DAW1: variants seen among roughly 807,000 people sequenced by gnomAD.
DAW1 encodes the protein dynein assembly factor with WD repeats 1.
In DAW1, 47 loss-of-function variants were observed where a neutral mutation model predicts 56.5. That is an observed-to-expected ratio of 0.83 (90% CI 0.66 to 1.06). The LOEUF (loss-of-function observed/expected upper bound fraction) is 1.06. DAW1 is among the 50% of genes least tolerant of loss of function. The pLI is 0.00. For synonymous variants in DAW1, 190 were observed against 179.0 expected, an observed-to-expected ratio of 1.06 and a Z score of -0.49; for missense variants, 505 against 499.3, an observed-to-expected ratio of 1.01 and a Z score of -0.11.
chr2:227,876,554 G>C lies in DAW1; in HGVS notation c.40+4825G>C, dbSNP rs1427683505. On this transcript the variant is annotated intron_variant, in intron 1 of 12. Transcript: ENST00000309931. ...AAAATTATTCCACTGAATCATTCCC[G>C]TGCTACCTTTATCCCTTCTGCATAT... 3 of 1,255,210 alleles carry C rather than the reference G, an allele frequency of 2.4e-6. No individual in the cohort carries two copies. In the South Asian group the frequency reaches 3.9e-5, roughly 16 times the overall value. The allele number at this position is 1,255,210 out of a possible 1,614,324, so 77.8% of individuals were successfully genotyped here. A position where few individuals can be genotyped will look rare whatever the true frequency, so the allele number is the denominator to read the frequency against.
intron 10 of DAW1, among the ~76,000 whole-genome samples, chr2:227,917,142 A>ATCTATCTATCTATCTGTCTG (rs1162712241): frequency 5.3e-4 from 74 of 138,548 alleles, no homozygotes; most frequent in Middle Eastern, 3.5e-3. Flanking sequence ...CTATCTATCT[A>ATCTATCTATCTATCTGTCTG]TCTGTCTGTC....
At chr2:227,879,108 T>G (rs1171192145) in intron 1 of DAW1, among the ~76,000 whole-genome samples, 1 of 152,126 alleles carries the variant, frequency 6.6e-6, no homozygotes, top group African/African-American at 2.4e-5. Flanking sequence ...ATAAAATATT[T>G]ATGTATAGTC....
intron 10 of DAW1, among the ~76,000 whole-genome samples, chr2:227,915,598 C>A (rs1444688524): frequency 6.6e-6 from 1 of 152,110 alleles, no homozygotes; most frequent in East Asian, 1.9e-4. Flanking sequence ...CTCTGATAAT[C>A]ATCTCCTTGA....
intron 3 of DAW1, among the ~76,000 whole-genome samples, chr2:227,891,023 C>CATG (rs755025999): frequency 4.1e-4 from 63 of 152,144 alleles, no homozygotes; most frequent in Non-Finnish European, 8.2e-4. Flanking sequence ...AGTGTATTTC[C>CATG]TACATACCCA....
rs1692173238 is a variant in DAW1 at position 227,924,207 on chromosome 2, G to A, written c.*239G>A. On this transcript the variant is annotated 3_prime_UTR_variant, in exon 13 of 13. Transcript: ENST00000309931. ...GCATAATGTTTGGCTAATGCCACCA[G>A]TTATTTCAGTTGTGTTTGTTTTTTA... The A allele has an allele frequency of 9.7e-6, 5 of 514,518 alleles. No individual in the cohort carries two copies. In the South Asian group the frequency reaches 1.7e-4, roughly 17 times the overall value. The allele number at this position is 514,518 out of a possible 1,614,324, so 31.9% of individuals were successfully genotyped here. A position where few individuals can be genotyped will look rare whatever the true frequency, so the allele number is the denominator to read the frequency against.
At chr2:227,914,138 C>G (rs765016494) in intron 10 of DAW1, among the ~76,000 whole-genome samples, 2 of 152,082 alleles carry the variant, frequency 1.3e-5, no homozygotes, top group African/African-American at 4.8e-5. Flanking sequence ...GTTTGATAAC[C>G]GTGAGTGATG....
chr2:227,897,959 A>G (rs1329091035), intron 5 of DAW1, among the ~76,000 whole-genome samples: 1 of 152,128 alleles, frequency 6.6e-6, no homozygotes, highest in Non-Finnish European at 1.5e-5. Context: ...TCCCAAACAA[A>G]TATACCTATA....
chr2:227,885,275 C>T, intron 1 of DAW1, 76 bp from the exon 2 acceptor site: 8 of 1,021,906 alleles, frequency 7.8e-6, no homozygotes, highest in Non-Finnish European at 9.7e-6. Context: ...ATGGAAAAAA[C>T]TGTGGCAAGG....
At chr2:227,905,278 T>C (rs767882023) in intron 8 of DAW1, among the ~76,000 whole-genome samples, 79 of 152,314 alleles carry the variant, frequency 5.2e-4, no homozygotes, top group Admixed American at 9.8e-4. Flanking sequence ...TTAGCAATAG[T>C]CTGGTTATAT....
chr2:227,875,715 T>C (rs1690862306), intron 1 of DAW1, among the ~76,000 whole-genome samples: 1 of 152,206 alleles, frequency 6.6e-6, no homozygotes, highest in South Asian at 2.1e-4. Flanking sequence ...TTTCCCTGGT[T>C]TGTCTTTTCT....
At chr2:227,886,286 G>GATGT (rs774090116) in intron 2 of DAW1, among the ~76,000 whole-genome samples, 2 of 152,122 alleles carry the variant, frequency 1.3e-5, no homozygotes, top group Non-Finnish European at 2.9e-5. Context: ...AACCTCTTGT[G>GATGT]ATGTAATAAC....
Position 227,918,808 on chromosome 2 carries a change from A to C in DAW1, c.1002A>C (p.Thr334=). The C allele has an allele frequency of 6.2e-7, 1 of 1,614,186 alleles. No individual in the cohort carries two copies. The highest frequency in any genetic ancestry group is 1.3e-5 in the African/African-American group (1 of 75,056). The change falls in exon 11 of 13, where the codon ACA becomes ACC. Residue 334 remains threonine (T), a synonymous_variant. Coordinates refer to ENST00000309931, the MANE Select transcript of DAW1 (RefSeq NM_178821.3). ...DGTARIFSAA[T]RKCIAKLEGH... ...CAGCAAGAATTTTCAGTGCTGCCAC[A>C]AGAAAATGCATTGCCAAACTGGAAG...
chr2:227,920,291 A>G lies in DAW1; in HGVS notation c.1051-1108A>G, dbSNP rs140809827. Among the ~76,000 whole-genome samples, 172 of 152,358 alleles carry G rather than the reference A, an allele frequency of 1.1e-3. 1 individual carries two copies. In the East Asian group the frequency reaches 0.025, roughly 22 times the overall value. On this transcript the variant is annotated intron_variant, in intron 11 of 12. Transcript: ENST00000309931. ...AAGCTAAAGTATTCACTCATTCAAC[A>G]AACACTTTTAGAGAGTGTCCACTGT...
chr2:227,899,015 CTAAA>C (rs1313202762), intron 6 of DAW1, among the ~76,000 whole-genome samples: 4 of 152,008 alleles, frequency 2.6e-5, no homozygotes, highest in African/African-American at 9.7e-5. Flanking sequence ...TCAAATTTGC[CTAAA>C]TAGTCTGATA....
At chr2:227,917,451 G>A (rs573542801) in intron 10 of DAW1, among the ~76,000 whole-genome samples, 40 of 152,032 alleles carry the variant, frequency 2.6e-4, no homozygotes, top group East Asian at 7.8e-4. Flanking sequence ...TAGTAGAGAC[G>A]GGGTTTCACC....
Position 227,871,733 on chromosome 2 carries a change from C to A in DAW1, c.40+4C>A. ...CTGCTCCGGTATTACCCGCCAGGTA[C>A]GCACCAGCCCGGCCCCGTCATCCCC... is the stretch of plus-strand genomic sequence containing the variant. On this transcript the variant is annotated splice_donor_region_variant and intron_variant, in intron 1 of 12. Transcript: ENST00000309931. The A allele has an allele frequency of 6.2e-7, 1 of 1,613,886 alleles. No individual in the cohort carries two copies. The highest frequency in any genetic ancestry group is 8.5e-7 in the Non-Finnish European group (1 of 1,179,910).
Position 227,894,815 on chromosome 2 carries a change from C to T in DAW1, c.440+898C>T, listed in dbSNP as rs117425007. Among the ~76,000 whole-genome samples the T allele has an allele frequency of 5.9e-4, 90 of 152,322 alleles. No homozygotes were observed. The East Asian group carries it at 0.016, about 26-fold the overall frequency. On this transcript the variant is annotated intron_variant, in intron 5 of 12. Coordinates refer to ENST00000309931, the MANE Select transcript of DAW1 (RefSeq NM_178821.3). ...GAACATCTATAGCAGTGAACATACCCGCCGGAATGGGCATCCTCCTCCTGC... is the reference window on the plus strand; with the variant it reads ...GAACATCTATAGCAGTGAACATACCTGCCGGAATGGGCATCCTCCTCCTGC...
intron 4 of DAW1, among the ~76,000 whole-genome samples, chr2:227,893,552 A>G (rs1691327024): frequency 6.6e-6 from 1 of 151,852 alleles, no homozygotes; most frequent in Non-Finnish European, 1.5e-5. Context: ...GGTGCCTGTA[A>G]TCCCAGCTAC....
chr2:227,892,172 G>A (rs1304887285), intron 4 of DAW1, among the ~76,000 whole-genome samples: 1 of 150,224 alleles, frequency 6.7e-6, no homozygotes, highest in Non-Finnish European at 1.5e-5. Flanking sequence ...CACTCTTGTT[G>A]CTCAGGCTGG....
Sources: gnomAD v4.1 joint callset for allele counts (sites outside exome capture counted in the v4.1 genomes callset) on GRCh38, gnomAD v4.1.1 for gene constraint, MANE v1.5 for transcripts, NCBI Gene and HGNC (gene_info 2026-07-23, HGNC 2026-07-21) for gene names.